The following LRP1B variants were observed in gnomAD, a reference collection of about 807,000 sequenced individuals.
LRP1B encodes the protein LDL receptor related protein 1B.
LRP1B carries 217 observed loss-of-function variants against 556.6 expected under a neutral mutation model. That is an observed-to-expected ratio of 0.39 (90% CI 0.35 to 0.44). The LOEUF (loss-of-function observed/expected upper bound fraction) is 0.44, where lower values mean the gene tolerates loss of function less well. Among genes scored for constraint, LRP1B ranks in the 20% least tolerant of loss-of-function variants. The probability of loss-of-function intolerance (pLI) is 1.00; values close to 1 mark genes in which losing one functional copy is unlikely to be tolerated. For missense variants in LRP1B, 5,053 were observed against 5,620.8 expected (o/e 0.90, Z 3.23); for synonymous variants, 2,047 against 1,865.8 (o/e 1.10, Z -2.50).
intron 1 of LRP1B, among the ~76,000 whole-genome samples, chr2:142,042,023 C>T (rs530036792): frequency 6.6e-6 from 1 of 151,350 alleles, no homozygotes; most frequent in Non-Finnish European, 1.5e-5. Context: ...TTGGATATGA[C>T]TTCAAGGCAA....
intron 23 of LRP1B, among the ~76,000 whole-genome samples, chr2:140,888,194 T>TG (rs1466700303): frequency 6.6e-6 from 1 of 152,142 alleles, no homozygotes; most frequent in Admixed American, 6.6e-5. Context: ...TCCTCAGATC[T>TG]GAAAAATTTT....
chr2:140,568,659 A>G (rs543062041), intron 43 of LRP1B, among the ~76,000 whole-genome samples: 174 of 152,216 alleles, frequency 1.1e-3, no homozygotes, highest in Non-Finnish European at 1.9e-3. Context: ...ATTCAACTCA[A>G]AAAAGTTCCT....
At chr2:141,691,396 G>T (rs952287107) in intron 2 of LRP1B, among the ~76,000 whole-genome samples, 6 of 143,658 alleles carry the variant, frequency 4.2e-5, no homozygotes, top group Non-Finnish European at 1.5e-5. Context: ...CCAGTGACCA[G>T]ATGGAAACAG....
At position 140,357,961 on chromosome 2, in the gene LRP1B, A is replaced by T. The variant is rs942069892; in HGVS notation, c.11395+18T>A. 1 of 1,601,208 alleles carries T rather than the reference A, an allele frequency of 6.2e-7. No individual in the cohort carries two copies. The highest frequency in any genetic ancestry group is 1.3e-5 in the African/African-American group (1 of 74,574). On this transcript the variant is annotated intron_variant, in intron 74 of 90. Coordinates refer to ENST00000389484, the MANE Select transcript of LRP1B (RefSeq NM_018557.3). ...ACTTGTGTATCCCGGTGCTTTGCTT[A>T]ACAGAAAACAAGCTCACCTATTCTG...
At chr2:141,292,936 A>T (rs536894192) in intron 3 of LRP1B, among the ~76,000 whole-genome samples, 2 of 152,204 alleles carry the variant, frequency 1.3e-5, no homozygotes, top group African/African-American at 4.8e-5. Flanking sequence ...AGTTTATCAT[A>T]AAAATTGTAC....
intron 2 of LRP1B, among the ~76,000 whole-genome samples, chr2:141,544,346 C>CTTTTCTTCTT (rs1170436351): frequency 1.2e-5 from 1 of 84,944 alleles, no homozygotes; most frequent in Admixed American, 1.4e-4. Flanking sequence ...TCTTCTTCTT[C>CTTTTCTTCTT]TTCTTCTTCT....
At chr2:141,078,858 T>G (rs1470902707) in intron 7 of LRP1B, among the ~76,000 whole-genome samples, 1 of 152,130 alleles carries the variant, frequency 6.6e-6, no homozygotes, top group Non-Finnish European at 1.5e-5. Flanking sequence ...GAAAATAAAC[T>G]CTGAGTTAAT....
intron 20 of LRP1B, among the ~76,000 whole-genome samples, chr2:140,930,506 CATATG>C (rs1413307689): frequency 6.6e-6 from 1 of 151,992 alleles, no homozygotes; most frequent in East Asian, 1.9e-4. Context: ...AAAAATCATA[CATATG>C]ATATAAATAT....
intron 35 of LRP1B, among the ~76,000 whole-genome samples, chr2:140,761,571 T>C (rs1022989549): frequency 4.6e-5 from 7 of 152,326 alleles, no homozygotes; most frequent in African/African-American, 1.7e-4. Context: ...TAAGAGAAGC[T>C]TGTGGTCATG....
chr2:141,316,097 G>A (rs61256605), intron 3 of LRP1B, among the ~76,000 whole-genome samples: 1 of 151,838 alleles, frequency 6.6e-6, no homozygotes, highest in Non-Finnish European at 1.5e-5. Context: ...CATGGCAGAA[G>A]AATCACCTCC....
chr2:141,668,600 ACT>A (rs1690539642), intron 2 of LRP1B, among the ~76,000 whole-genome samples: 1 of 151,954 alleles, frequency 6.6e-6, no homozygotes, highest in South Asian at 2.1e-4. Context: ...TCATCTTCCC[ACT>A]CTATCCTCTT....
intron 3 of LRP1B, among the ~76,000 whole-genome samples, chr2:141,257,973 A>C (rs1573721219): frequency 6.6e-6 from 1 of 152,348 alleles, no homozygotes; most frequent in East Asian, 1.9e-4. Context: ...GTACAACAAA[A>C]AATTTTGTAC....
At chr2:141,331,503 C>CT (rs1687646341) in intron 3 of LRP1B, among the ~76,000 whole-genome samples, 2 of 39,880 alleles carry the variant, frequency 5.0e-5, no homozygotes, top group Admixed American at 2.2e-4. Flanking sequence ...TCTTTCTTTC[C>CT]TTCTTTCTTT....
At chr2:140,676,489 T>A (rs980242249) in intron 41 of LRP1B, among the ~76,000 whole-genome samples, 1 of 152,196 alleles carries the variant, frequency 6.6e-6, no homozygotes, top group African/African-American at 2.4e-5. Context: ...TTCCAACAGA[T>A]TATCCCATAA....
At chr2:140,297,586 G>T (rs1477080660) in intron 84 of LRP1B, among the ~76,000 whole-genome samples, 1 of 152,088 alleles carries the variant, frequency 6.6e-6, no homozygotes, top group African/African-American at 2.4e-5. Context: ...ACAGGGAATG[G>T]TTATAATAAT....
chr2:141,626,671 G>C lies in LRP1B; in HGVS notation c.206-146138C>G, dbSNP rs549970498. Among the ~76,000 whole-genome samples, 175 of 152,266 alleles carry C rather than the reference G, an allele frequency of 1.1e-3. 1 individual carries two copies. Among genetic ancestry groups the C allele is most frequent in the African/African-American group, 4.1e-3 (169 of 41,562 alleles). On this transcript the variant is annotated intron_variant, in intron 2 of 90. Coordinates refer to ENST00000389484, the MANE Select transcript of LRP1B (RefSeq NM_018557.3). Reference sequence around the variant, plus strand: ...GGATCTAAACAGACACCTCACCAAAGAAGATGGCAAATAGTATACGAAAAG... The same window carrying C: ...GGATCTAAACAGACACCTCACCAAACAAGATGGCAAATAGTATACGAAAAG...
rs539525893 is a variant in LRP1B at position 141,685,265 on chromosome 2, T to C, written c.205+125014A>G. Among the ~76,000 whole-genome samples the C allele has an allele frequency of 9.2e-5, 14 of 152,216 alleles. No homozygotes were observed. The East Asian group carries it at 9.7e-4, about 11-fold the overall frequency. Reference sequence around the variant, plus strand: ...CAAAATTTTGTCCCAGGATAGATCATGCAAGATTCTCAATTATACTTGAAT... The same window carrying C: ...CAAAATTTTGTCCCAGGATAGATCACGCAAGATTCTCAATTATACTTGAAT... On this transcript the variant is annotated intron_variant, in intron 2 of 90. Transcript: ENST00000389484.
chr2:141,401,718 C>T (rs1185468249), intron 3 of LRP1B, among the ~76,000 whole-genome samples: 9 of 152,298 alleles, frequency 5.9e-5, no homozygotes, highest in African/African-American at 2.4e-5. Context: ...TTTGGCAACA[C>T]CCTTGGCTTT....
intron 55 of LRP1B, among the ~76,000 whole-genome samples, chr2:140,497,967 A>G (rs955172953): frequency 1.3e-5 from 2 of 151,898 alleles, no homozygotes; most frequent in African/African-American, 4.8e-5. Flanking sequence ...AAGAAAATGT[A>G]TTTCTCAATC....
Sources: allele counts gnomAD v4.1 joint callset (sites outside exome capture counted in the v4.1 genomes callset), GRCh38; gene constraint gnomAD v4.1.1; transcripts MANE v1.5; gene names NCBI Gene and HGNC (gene_info 2026-07-23, HGNC 2026-07-21).